Variants in ANKRD11 observed in about 807,000 individuals in gnomAD.
ANKRD11 encodes the protein ankyrin repeat domain-containing protein 11.
ANKRD11 carries 17 observed loss-of-function variants against 195.7 expected under a neutral mutation model. The ratio of observed to expected loss-of-function variants is 0.09; its 90% confidence interval spans 0.06 to 0.13. ANKRD11 has a LOEUF of 0.13. Ranked by LOEUF, ANKRD11 falls within the 10% of genes least tolerant of loss-of-function variation. The pLI is 1.00. For synonymous variants in ANKRD11, 1,953 were observed against 1,528.1 expected, an observed-to-expected ratio of 1.28 and a Z score of -6.49; for missense variants, 3,735 against 3,566.1, an observed-to-expected ratio of 1.05 and a Z score of -1.21.
At chr16:89,299,256 A>G (rs1367842352) in intron 4 of ANKRD11, 2 of 177,854 alleles carry the variant, frequency 1.1e-5, no homozygotes, top group Non-Finnish European at 2.4e-5. Context: ...GCCTGGGAGG[A>G]GATCTACAGG....
intron 2 of ANKRD11, among the ~76,000 whole-genome samples, chr16:89,397,288 C>G (rs1414345872): frequency 6.6e-6 from 1 of 152,222 alleles, no homozygotes; most frequent in Admixed American, 6.5e-5. Context: ...AGCCAAGAAC[C>G]CCCTCAGGGC....
chr16:89,273,794 G>A (rs181664952), intron 11 of ANKRD11, among the ~76,000 whole-genome samples: 107 of 152,354 alleles, frequency 7.0e-4, no homozygotes, highest in African/African-American at 2.2e-3. Flanking sequence ...ACAAAGAGAT[G>A]TTTTCAACTA....
intron 2 of ANKRD11, among the ~76,000 whole-genome samples, chr16:89,414,118 G>A (rs928069052): frequency 3.3e-5 from 5 of 152,210 alleles, no homozygotes; most frequent in Non-Finnish European, 5.9e-5. Context: ...TGAGGCGCAC[G>A]ATCGCACCTG....
rs534624858 is a variant in ANKRD11 at position 89,447,197 on chromosome 16, T to G, written c.-144-28829A>C. Among the ~76,000 whole-genome samples, 9 of 152,168 alleles carry G rather than the reference T, an allele frequency of 5.9e-5. No homozygotes were observed. In the South Asian group the frequency reaches 1.9e-3, roughly 32 times the overall value. ...CCCCCAATGCATATTTGCAACCCAT[T>G]AGTACCAAAAGTTTAATCACTATTG... On this transcript the variant is annotated intron_variant, in intron 1 of 12. Transcript: ENST00000301030.
chr16:89,378,116 G>A (rs945612556), intron 2 of ANKRD11, among the ~76,000 whole-genome samples: 2 of 152,140 alleles, frequency 1.3e-5, no homozygotes, highest in Admixed American at 1.3e-4. Flanking sequence ...CTGGGAGGCC[G>A]AGGCGGAAGG....
chr16:89,374,629 C>T lies in ANKRD11; in HGVS notation c.-60+43655G>A, dbSNP rs1243794119. ...CAGGAGAGCTGTGGGAACAGCTGCTCGGGCCATCTCCCGCGTGCTACGATC... is the reference window on the plus strand; with the variant it reads ...CAGGAGAGCTGTGGGAACAGCTGCTTGGGCCATCTCCCGCGTGCTACGATC... On this transcript the variant is annotated intron_variant, in intron 2 of 12. Coordinates refer to ENST00000301030, the MANE Select transcript of ANKRD11 (RefSeq NM_013275.6). Among the ~76,000 whole-genome samples the T allele has an allele frequency of 3.3e-5, 5 of 152,314 alleles. No homozygotes were observed. The South Asian group carries it at 8.3e-4, about 25-fold the overall frequency.
Position 89,279,408 on chromosome 16 carries a change from G to A in ANKRD11, c.7134C>T (p.Asp2378=), listed in dbSNP as rs1214207859. Residue 2378 remains aspartate, a synonymous_variant, in exon 9 of 13, where the codon GAC becomes GAT. Coordinates refer to ENST00000301030, the MANE Select transcript of ANKRD11 (RefSeq NM_013275.6). This position sits in a 1 kb window ranked among gnomAD's most constrained non-coding sequence, Gnocchi z 5.6. ...RAKARGSEDD[D]AQAQHPRKRR... ...GTTTGCGCGGATGCTGGGCCTGGGC[G>A]TCGTCGTCCTCGGAGCCGCGGGCCT... The A allele has an allele frequency of 5.8e-6, 9 of 1,540,464 alleles. No individual in the cohort carries two copies. Among genetic ancestry groups the A allele is most frequent in the East Asian group, 4.9e-5 (2 of 41,104 alleles).
At chr16:89,479,426 A>C (rs899917114) in intron 1 of ANKRD11, among the ~76,000 whole-genome samples, 1 of 148,530 alleles carries the variant, frequency 6.7e-6, no homozygotes, top group African/African-American at 2.5e-5. Context: ...TGAGGTCGGG[A>C]GTTTGAGACC....
At chr16:89,420,297 T>G (rs538684248) in intron 1 of ANKRD11, 6 of 152,126 alleles carry the variant, frequency 3.9e-5, no homozygotes, top group Admixed American at 3.9e-4. Flanking sequence ...GTCCAACGAT[T>G]TGCAAGCTCA....
intron 1 of ANKRD11, among the ~76,000 whole-genome samples, chr16:89,485,620 G>T (rs566937720): frequency 1.3e-5 from 2 of 151,984 alleles, no homozygotes; most frequent in Non-Finnish European, 2.9e-5. Flanking sequence ...AAAACAAGTC[G>T]CAATCTCCCA....
At chr16:89,435,222 T>C (rs925555277) in intron 1 of ANKRD11, among the ~76,000 whole-genome samples, 2 of 152,190 alleles carry the variant, frequency 1.3e-5, no homozygotes, top group Non-Finnish European at 2.9e-5. Context: ...TAAAGGTTTA[T>C]AAACTAACCA....
At chr16:89,350,749 C>T (rs1159851577) in intron 2 of ANKRD11, among the ~76,000 whole-genome samples, 3 of 152,130 alleles carry the variant, frequency 2.0e-5, no homozygotes, top group Non-Finnish European at 4.4e-5. Context: ...CAACTGATTC[C>T]TTAAAACTCT....
intron 1 of ANKRD11, among the ~76,000 whole-genome samples, chr16:89,423,206 A>C (rs1215395745): frequency 6.6e-6 from 1 of 152,386 alleles, no homozygotes; most frequent in East Asian, 1.9e-4. Context: ...CCTTGGTCTC[A>C]AAACGCTGCT....
At chr16:89,374,271 C>G (rs925759841) in intron 2 of ANKRD11, among the ~76,000 whole-genome samples, 4 of 152,054 alleles carry the variant, frequency 2.6e-5, no homozygotes, top group African/African-American at 9.6e-5. Context: ...CCTAGTAATT[C>G]TCTTCACTTA....
At chr16:89,432,215 A>G (rs1345843182) in intron 1 of ANKRD11, among the ~76,000 whole-genome samples, 1 of 149,432 alleles carries the variant, frequency 6.7e-6, no homozygotes, top group African/African-American at 2.5e-5. Flanking sequence ...GAATATATTC[A>G]TGTTGTACAT....
chr16:89,455,474 A>G (rs1015232308), intron 1 of ANKRD11, among the ~76,000 whole-genome samples: 1 of 152,258 alleles, frequency 6.6e-6, no homozygotes, highest in South Asian at 2.1e-4. Context: ...ACAAACCTCA[A>G]AACACACCAG....
intron 1 of ANKRD11, among the ~76,000 whole-genome samples, chr16:89,435,765 A>C (rs1390334528): frequency 6.6e-6 from 1 of 151,114 alleles, no homozygotes; most frequent in Admixed American, 6.6e-5. Context: ...CAAGGAACAG[A>C]CCAACTGACG....
chr16:89,330,739 T>A (rs1409938272), intron 2 of ANKRD11, among the ~76,000 whole-genome samples: 2 of 135,972 alleles, frequency 1.5e-5, no homozygotes, highest in African/African-American at 5.5e-5. Flanking sequence ...TTCCACCTCA[T>A]CCTGTTCCTC....
intron 1 of ANKRD11, among the ~76,000 whole-genome samples, chr16:89,439,062 A>C (rs1052325111): frequency 6.6e-6 from 1 of 152,118 alleles, no homozygotes; most frequent in African/African-American, 2.4e-5. Context: ...CCAAAAAAAA[A>C]AAAGAACTGT....
Sources: gnomAD v4.1 joint callset for allele counts (sites outside exome capture counted in the v4.1 genomes callset) on GRCh38, gnomAD v4.1.1 for gene constraint, Gnocchi (gnomAD v3.1) non-coding constraint, MANE v1.5 for transcripts, NCBI Gene and HGNC (gene_info 2026-07-23, HGNC 2026-07-21) for gene names.